ADH5: variants seen among roughly 807,000 people sequenced by gnomAD.
ADH5 encodes the protein alcohol dehydrogenase class-3.
ADH5 carries 32 observed loss-of-function variants against 40.3 expected under a neutral mutation model. The observed-to-expected ratio is 0.79, with a 90% CI of 0.60 to 1.07. The LOEUF is 1.07. ADH5 is among the 50% of genes least tolerant of loss of function. ADH5 has a pLI of 0.00. For missense variants in ADH5, 353 were observed against 460.5 expected (o/e 0.77, Z 2.14); for synonymous variants, 125 against 154.3 (o/e 0.81, Z 1.41).
rs1394520591 is a variant in ADH5 at position 99,074,447 on chromosome 4, T to C, written c.961+467A>G. Among the ~76,000 whole-genome samples, 5 of 152,202 alleles carry C rather than the reference T, an allele frequency of 3.3e-5. 1 individual carries two copies. The highest frequency in any genetic ancestry group is 7.3e-5 in the Non-Finnish European group (5 of 68,032). ...GCTTTGTCCAATTAAATATTTTCAG[T>C]TTGAGACTCAATATTGGTTACTGCT... On this transcript the variant is annotated intron_variant, in intron 7 of 8. Coordinates refer to ENST00000296412, the MANE Select transcript of ADH5 (RefSeq NM_000671.4).
intron 3 of ADH5, 181 bp downstream of exon 3, chr4:99,081,794 C>A (rs1728030163): frequency 1.3e-6 from 1 of 766,170 alleles, no homozygotes; most frequent in Non-Finnish European, 2.0e-6. Flanking sequence ...CAGTAGTCTG[C>A]AAAATCAGAG....
In ADH5 at chr4:99,088,748, G is replaced by C; in HGVS notation, c.-48C>G. ...GGGGGGCTGACATCCGGGGTGGGCC[G>C]CGCAGCGACGGAGGCATGGGCGTGG... On this transcript the variant is annotated 5_prime_UTR_variant, in exon 1 of 9. Transcript: ENST00000296412. 6.4e-7 allele frequency: 1 copy of C among 1,566,446 alleles called. No homozygotes were observed. Among genetic ancestry groups the C allele is most frequent in the Non-Finnish European group, 8.7e-7 (1 of 1,155,044 alleles).
chr4:99,076,312 T>C lies in ADH5; in HGVS notation c.805A>G (p.Ile269Val). The change falls in exon 6 of 9, where the codon ATT (isoleucine) becomes GTT (valine). Residue 269 changes from isoleucine (I) to valine (V), a missense_variant. Ile to Val is a conservative substitution (Grantham distance 29). Transcript: ENST00000296412. ...DGGVDYSFECIGNVKVMRAAL... is the reference protein window; with the variant it reads ...DGGVDYSFECVGNVKVMRAAL... ...CTCACCATGACCTTCACATTACCAATACATTCAAAGGAATAGTCCACTCCT... is the reference window on the plus strand; with the variant it reads ...CTCACCATGACCTTCACATTACCAACACATTCAAAGGAATAGTCCACTCCT... 1.2e-6 allele frequency: 2 copies of C among 1,614,016 alleles called. No homozygotes were observed. The highest frequency in any genetic ancestry group is 1.7e-6 in the Non-Finnish European group (2 of 1,179,910).
intron 1 of ADH5, among the ~76,000 whole-genome samples, chr4:99,086,939 C>CAAAAAAA (rs58359709): frequency 3.4e-4 from 22 of 64,284 alleles, no homozygotes; most frequent in African/African-American, 8.5e-4. Context: ...GACTGCGTCT[C>CAAAAAAA]AAAAAAAAAA....
At chr4:99,082,838 G>A (rs1728052798) in intron 2 of ADH5, among the ~76,000 whole-genome samples, 1 of 152,050 alleles carries the variant, frequency 6.6e-6, no homozygotes, top group Non-Finnish European at 1.5e-5. Flanking sequence ...CACCAGGCCT[G>A]GCTAATTTTT....
At chr4:99,073,781 T>C (rs1432141726) in intron 7 of ADH5, among the ~76,000 whole-genome samples, 1 of 152,218 alleles carries the variant, frequency 6.6e-6, no homozygotes, top group Non-Finnish European at 1.5e-5. Context: ...GCCTCAATGA[T>C]ACAATGAATT....
chr4:99,088,666 G>A, intron 1 of ADH5, 23 bp downstream of exon 1: 1 of 1,606,260 alleles, frequency 6.2e-7, no homozygotes, highest in Non-Finnish European at 8.5e-7. Flanking sequence ...TGGACTCAGG[G>A]CCCTCCGCTC....
intron 7 of ADH5, among the ~76,000 whole-genome samples, chr4:99,073,779 G>T (rs773309684): frequency 2.6e-5 from 4 of 152,166 alleles, no homozygotes; most frequent in South Asian, 2.1e-4. Context: ...GGGCCTCAAT[G>T]ATACAATGAA....
At chr4:99,086,645 A>G (rs1728138538) in intron 1 of ADH5, among the ~76,000 whole-genome samples, 1 of 152,038 alleles carries the variant, frequency 6.6e-6, no homozygotes, top group Non-Finnish European at 1.5e-5. Context: ...ACTGAATAAG[A>G]AAGAATATGA....
rs921286736 is a variant in ADH5 at position 99,085,107 on chromosome 4, A to C, written c.114+8T>G. The C allele has an allele frequency of 4.1e-6, 6 of 1,462,600 alleles. No individual in the cohort carries two copies. The highest frequency in any genetic ancestry group is 5.0e-5 in the East Asian group (2 of 40,270). 90.6% of individuals were successfully genotyped at this position (1,462,600 alleles called of 1,614,324 possible). ...CTTTTTTTCCCAGTGCCTTAAATGT[A>C]TCATTACCTTGATTCGAACTTCATG... is the stretch of plus-strand genomic sequence containing the variant. On this transcript the variant is annotated splice_region_variant and intron_variant, in intron 2 of 8. Coordinates refer to ENST00000296412, the MANE Select transcript of ADH5 (RefSeq NM_000671.4).
chr4:99,076,647 A>G, intron 5 of ADH5, 57 bp downstream of exon 5: 1 of 1,597,740 alleles, frequency 6.3e-7, no homozygotes, highest in Non-Finnish European at 8.5e-7. Flanking sequence ...TATTCCAGGA[A>G]AGTTTCACTG....
Position 99,076,929 on chromosome 4 carries a change from G to GAA in ADH5, c.345-8_345-7dup. 1 of 1,532,256 alleles carries GAA rather than the reference G, an allele frequency of 6.5e-7. No individual in the cohort carries two copies. The highest frequency in any genetic ancestry group is 1.3e-5 in the South Asian group (1 of 79,486). The allele number at this position is 1,532,256 out of a possible 1,614,324, so 94.9% of individuals were successfully genotyped here. A position where few individuals can be genotyped will look rare whatever the true frequency, so the allele number is the denominator to read the frequency against. ...ATCCTTTCCCTTGAGTGACTCTAAA[G>GAA]AAAAAAAAAGGAAAAAGGCAAGTTG... On this transcript the variant is annotated splice_region_variant and splice_polypyrimidine_tract_variant and intron_variant, in intron 4 of 8. Transcript: ENST00000296412.
At chr4:99,087,768 T>C (rs1011704953) in intron 1 of ADH5, among the ~76,000 whole-genome samples, 4 of 152,208 alleles carry the variant, frequency 2.6e-5, no homozygotes, top group Admixed American at 6.5e-5. Flanking sequence ...GTAACAATTA[T>C]AATCTTTCAC....
At chr4:99,076,950 A>C in intron 4 of ADH5, 27 bp from the exon 5 acceptor site, 1 of 1,533,616 alleles carries the variant, frequency 6.5e-7, no homozygotes, top group Non-Finnish European at 8.9e-7. Flanking sequence ...GAAAAAGGCA[A>C]GTTGGAATTA....
intron 2 of ADH5, among the ~76,000 whole-genome samples, chr4:99,084,284 C>A (rs1728086698): frequency 6.6e-6 from 1 of 152,160 alleles, no homozygotes; most frequent in East Asian, 1.9e-4. Flanking sequence ...AAAGACCCTG[C>A]TGATAAGACA....
intron 7 of ADH5, 51 bp downstream of exon 7, chr4:99,074,863 C>A: frequency 6.6e-7 from 1 of 1,524,006 alleles, no homozygotes; most frequent in Non-Finnish European, 8.9e-7. Context: ...TAAACATCTG[C>A]CAATGCAACT....
In ADH5 at chr4:99,074,881, G is replaced by A. The variant is rs778563437; in HGVS notation, c.961+33C>T. 3 of 1,556,148 alleles carry A rather than the reference G, an allele frequency of 1.9e-6. No homozygotes were observed. The East Asian group carries it at 7.0e-5, about 36-fold the overall frequency. On this transcript the variant is annotated intron_variant, in intron 7 of 8. Transcript: ENST00000296412. Reference sequence around the variant, plus strand: ...ACATCTGCCAATGCAACTAACAAAAGAGAAAATGCAGTCATCTCATCCATC... The same window carrying A: ...ACATCTGCCAATGCAACTAACAAAAAAGAAAATGCAGTCATCTCATCCATC...
At chr4:99,086,215 A>C (rs1298206808) in intron 1 of ADH5, among the ~76,000 whole-genome samples, 2 of 152,172 alleles carry the variant, frequency 1.3e-5, no homozygotes, top group South Asian at 2.1e-4. Flanking sequence ...TAACATAATT[A>C]AAATATTAAA....
chr4:99,085,092 C>T, intron 2 of ADH5, 23 bp downstream of exon 2: 1 of 1,303,682 alleles, frequency 7.7e-7, no homozygotes, highest in Non-Finnish European at 1.0e-6. Flanking sequence ...CTTTTTTTCC[C>T]AGTGCCTTAA....
Sources: allele counts gnomAD v4.1 joint callset (sites outside exome capture counted in the v4.1 genomes callset), GRCh38; gene constraint gnomAD v4.1.1; transcripts MANE v1.5; gene names NCBI Gene and HGNC (gene_info 2026-07-23, HGNC 2026-07-21).